LUZP2: variants seen among roughly 807,000 people sequenced by gnomAD.
LUZP2 encodes leucine zipper protein 2.
A neutral mutation model predicts 51.6 loss-of-function variants in LUZP2; 52 were observed. That is an observed-to-expected ratio of 1.01 (90% CI 0.81 to 1.27). The LOEUF (loss-of-function observed/expected upper bound fraction) is 1.27, where lower values mean the gene tolerates loss of function less well. LUZP2 is among the 50% of genes most tolerant of loss of function. LUZP2 has a pLI of 0.00. For missense variants in LUZP2, 436 were observed against 395.4 expected (o/e 1.10, Z -0.87); for synonymous variants, 154 against 137.3 (o/e 1.12, Z -0.85).
chr11:25,066,150 G>A (rs954833724), intron 10 of LUZP2, among the ~76,000 whole-genome samples: 1 of 146,004 alleles, frequency 6.8e-6, no homozygotes, highest in African/African-American at 2.6e-5. Flanking sequence ...CTTCTCGGGG[G>A]ATTTTATTTC....
At chr11:24,896,439 G>A (rs1355847674) in intron 5 of LUZP2, among the ~76,000 whole-genome samples, 4 of 152,178 alleles carry the variant, frequency 2.6e-5, no homozygotes, top group Non-Finnish European at 5.9e-5. Context: ...ACCTGGGCCA[G>A]CAGCTGCAGA....
intron 7 of LUZP2, among the ~76,000 whole-genome samples, chr11:24,948,650 G>C (rs992370308): frequency 2.1e-4 from 32 of 151,720 alleles, no homozygotes; most frequent in Non-Finnish European, 4.6e-4. Context: ...GCTGAATATA[G>C]ACAGTATAAC....
intron 9 of LUZP2, among the ~76,000 whole-genome samples, chr11:25,005,861 G>A (rs567373251): frequency 2.1e-4 from 32 of 152,152 alleles, no homozygotes; most frequent in African/African-American, 6.3e-4. Flanking sequence ...ACACATTCTC[G>A]AGAACTTGTT....
chr11:24,527,413 G>A (rs1465847888), intron 1 of LUZP2, among the ~76,000 whole-genome samples: 2 of 148,734 alleles, frequency 1.3e-5, no homozygotes, highest in Non-Finnish European at 3.0e-5. Context: ...AGTTCTAAGA[G>A]TAAATAGTAA....
intron 1 of LUZP2, among the ~76,000 whole-genome samples, chr11:24,639,425 A>C (rs577726771): frequency 6.6e-6 from 1 of 151,264 alleles, no homozygotes; most frequent in Non-Finnish European, 1.5e-5. Flanking sequence ...TATTTTATTT[A>C]CCCTTTACTT....
intron 1 of LUZP2, among the ~76,000 whole-genome samples, chr11:24,673,642 C>A (rs1856464239): frequency 6.6e-6 from 1 of 152,060 alleles, no homozygotes; most frequent in African/African-American, 2.4e-5. Flanking sequence ...GACATTGGGC[C>A]AGATAATTAT....
At chr11:24,887,983 A>G (rs1565058166) in intron 5 of LUZP2, among the ~76,000 whole-genome samples, 1 of 152,210 alleles carries the variant, frequency 6.6e-6, no homozygotes, top group Non-Finnish European at 1.5e-5. Context: ...GGACAAATTA[A>G]TGCATGTTTT....
At chr11:24,897,636 A>C (rs1263497527) in intron 5 of LUZP2, among the ~76,000 whole-genome samples, 1 of 152,174 alleles carries the variant, frequency 6.6e-6, no homozygotes, top group Non-Finnish European at 1.5e-5. Context: ...AGAAGGAACA[A>C]ACTCTGGACA....
At chr11:24,540,846 A>C (rs748624802) in intron 1 of LUZP2, among the ~76,000 whole-genome samples, 1 of 152,114 alleles carries the variant, frequency 6.6e-6, no homozygotes, top group Non-Finnish European at 1.5e-5. Flanking sequence ...TTTTAATAGA[A>C]TCATATCCCT....
intron 1 of LUZP2, among the ~76,000 whole-genome samples, chr11:24,647,585 T>C (rs1380449297): frequency 6.6e-6 from 1 of 151,962 alleles, no homozygotes; most frequent in African/African-American, 2.4e-5. Context: ...ATTTTACTAA[T>C]TGGAAATCAC....
chr11:24,742,052 T>A (rs544042559), intron 4 of LUZP2, among the ~76,000 whole-genome samples: 3 of 113,804 alleles, frequency 2.6e-5, no homozygotes, highest in Non-Finnish European at 5.2e-5. Context: ...TAAAAATAAA[T>A]ATAATTATAT....
At chr11:24,602,196 G>A (rs1308866424) in intron 1 of LUZP2, among the ~76,000 whole-genome samples, 3 of 67,596 alleles carry the variant, frequency 4.4e-5, no homozygotes, top group African/African-American at 1.0e-4. Flanking sequence ...ATGTATATAT[G>A]TACATATATG....
intron 1 of LUZP2, among the ~76,000 whole-genome samples, chr11:24,546,099 A>G (rs1310193577): frequency 1.3e-5 from 2 of 151,952 alleles, no homozygotes; most frequent in Admixed American, 1.3e-4. Flanking sequence ...TTGTTGGTGT[A>G]TAGGAATGTT....
intron 1 of LUZP2, among the ~76,000 whole-genome samples, chr11:24,727,121 T>C (rs1858510765): frequency 6.6e-6 from 1 of 152,102 alleles, no homozygotes; most frequent in African/African-American, 2.4e-5. Context: ...TGAAACAATG[T>C]TGTATATTAT....
At chr11:24,890,905 T>TG (rs1852833276) in intron 5 of LUZP2, 1 of 972,748 alleles carries the variant, frequency 1.0e-6, no homozygotes, top group African/African-American at 1.8e-5. Flanking sequence ...TTTTTTTTTT[T>TG]TTTTTTTTTG....
chr11:24,904,306 A>G (rs1853371185), intron 5 of LUZP2, among the ~76,000 whole-genome samples: 1 of 151,862 alleles, frequency 6.6e-6, no homozygotes, highest in Admixed American at 6.6e-5. Flanking sequence ...TTTTTCAGAC[A>G]GAGTCTTGCT....
intron 1 of LUZP2, among the ~76,000 whole-genome samples, chr11:24,695,590 A>T (rs2133897608): frequency 6.6e-6 from 1 of 151,930 alleles, no homozygotes; most frequent in Non-Finnish European, 1.5e-5. Context: ...TAATTTTTTT[A>T]CTCATTTTCT....
At chr11:24,924,123 G>T (rs1377392896) in intron 7 of LUZP2, among the ~76,000 whole-genome samples, 1 of 151,286 alleles carries the variant, frequency 6.6e-6, no homozygotes, top group Non-Finnish European at 1.5e-5. Flanking sequence ...TTGTCGCCAG[G>T]CTGGAGTGCA....
chr11:24,984,583 G>A (rs1158823418), intron 9 of LUZP2, among the ~76,000 whole-genome samples: 1 of 115,760 alleles, frequency 8.6e-6, no homozygotes, highest in East Asian at 2.6e-4. Context: ...AGTTCACGAA[G>A]GGAGGAGTAC....
Sources: gnomAD v4.1 joint callset for allele counts (sites outside exome capture counted in the v4.1 genomes callset) on GRCh38, gnomAD v4.1.1 for gene constraint, MANE v1.5 for transcripts, NCBI Gene and HGNC (gene_info 2026-07-23, HGNC 2026-07-21) for gene names.